Variants in PRKDC observed in about 807,000 individuals in gnomAD.
The protein encoded by PRKDC is protein kinase, DNA-activated, catalytic subunit, also known as DNA-dependent protein kinase catalytic subunit.
PRKDC carries 82 observed loss-of-function variants against 486.9 expected under a neutral mutation model. The observed-to-expected ratio is 0.17, with a 90% confidence interval of 0.14 to 0.20. The LOEUF (loss-of-function observed/expected upper bound fraction) is 0.20, where lower values mean the gene tolerates loss of function less well. PRKDC is among the 10% of genes least tolerant of loss of function. The pLI is 1.00. For missense variants in PRKDC, 4,504 were observed against 5,038.2 expected, an observed-to-expected ratio of 0.89 and a Z score of 3.21; for synonymous variants, 1,895 against 1,837.0, an observed-to-expected ratio of 1.03 and a Z score of -0.81.
At position 47,773,937 on chromosome 8, in the gene PRKDC, A is replaced by C; in HGVS notation, c.*236T>G. 2.3e-6 allele frequency: 1 copy of C among 436,794 alleles called. No homozygotes were observed. 27.1% of individuals were successfully genotyped at this position (436,794 alleles called of 1,614,324 possible). A position where few individuals can be genotyped will look rare whatever the true frequency, so the allele number is the denominator to read the frequency against. ...ACTTAATACTTTGGTAAGCCTGGAT[A>C]TCTATCTTTCTATAAACCTCACCTA... On this transcript the variant is annotated 3_prime_UTR_variant, in exon 86 of 86. Coordinates refer to ENST00000314191, the MANE Select transcript of PRKDC (RefSeq NM_006904.7).
intron 18 of PRKDC, among the ~76,000 whole-genome samples, 152 bp from the exon 19 acceptor site, chr8:47,929,330 T>G (rs937410268): frequency 3.3e-5 from 5 of 152,168 alleles, no homozygotes; most frequent in Non-Finnish European, 7.3e-5. Flanking sequence ...TCTGCAGACA[T>G]TTCAAGGCAC....
rs1444639545 is a variant in PRKDC at position 47,939,597 on chromosome 8, T to C, written c.1067A>G (p.Asn356Ser). The stretch of plus-strand genomic sequence containing the variant: ...ACGGATAGCAATAGATAACTCCTTG[T>C]TGTTCGAATCCACATTTCTGATGAT... ...YGIIRNVDSNNKELSIAIRGY... is the reference protein window; with the variant it reads ...YGIIRNVDSNSKELSIAIRGY... The change falls in exon 11 of 86, where the codon AAC (asparagine) becomes AGC (serine). Residue 356 changes from asparagine to serine, a missense_variant. By Grantham distance (46) the Asn-to-Ser change is conservative. Transcript: ENST00000314191. 1.2e-6 allele frequency: 2 copies of C among 1,613,790 alleles called. No individual in the cohort carries two copies. Among genetic ancestry groups the C allele is most frequent in the African/African-American group, 1.3e-5 (1 of 75,064 alleles).
In PRKDC at chr8:47,893,291, G is replaced by A. The variant is rs1447784596; in HGVS notation, c.3695C>T (p.Pro1232Leu). 3 of 1,610,330 alleles carry A rather than the reference G, an allele frequency of 1.9e-6. No homozygotes were observed. Among genetic ancestry groups the A allele is most frequent in the East Asian group, 4.5e-5 (2 of 44,802 alleles). Residue 1232 changes from proline to leucine, a missense_variant, in exon 31 of 86, where the codon CCC becomes CTC. By Grantham distance (98) the Pro-to-Leu change is moderately conservative. Coordinates refer to ENST00000314191, the MANE Select transcript of PRKDC (RefSeq NM_006904.7). ...GGTGGGCTGGGCCAGGATGCCCGAG[G>A]GCTGGCCACAGCCACCCCCCTCAAA... ...NTFEGGGCGQ[P>L]SGILAQPTLL...
intron 68 of PRKDC, among the ~76,000 whole-genome samples, chr8:47,813,866 G>A (rs1010343669): frequency 4.6e-5 from 7 of 152,118 alleles, no homozygotes; most frequent in Admixed American, 1.3e-4. Flanking sequence ...AAGCCACCAC[G>A]CCTGGCCATA....
chr8:47,807,353 C>A, intron 68 of PRKDC, 27 bp from the exon 69 acceptor site: 2 of 1,501,312 alleles, frequency 1.3e-6, no homozygotes, highest in Non-Finnish European at 1.8e-6. Flanking sequence ...GAGACAATGT[C>A]ACAGACTCAG....
intron 14 of PRKDC, among the ~76,000 whole-genome samples, chr8:47,934,745 TAG>T (rs1355102185): frequency 6.6e-6 from 1 of 152,176 alleles, no homozygotes; most frequent in African/African-American, 2.4e-5. Flanking sequence ...CAATTTGTCC[TAG>T]AGTTTCAAGA....
rs8178040 is a variant in PRKDC at position 47,929,865 on chromosome 8, T to C, written c.2040A>G (p.Ile680Met). The C allele has an allele frequency of 1.8e-3, 2,938 of 1,598,176 alleles. 60 individuals carry two copies. The African/African-American group carries it at 0.036, about 20-fold the overall frequency. Residue 680 changes from isoleucine to methionine, a missense_variant, in exon 18 of 86, where the codon ATA (isoleucine) becomes ATG (methionine). Physicochemically the swap from Ile to Met is conservative, Grantham distance 10. Coordinates refer to ENST00000314191, the MANE Select transcript of PRKDC (RefSeq NM_006904.7). The part of the protein sequence containing the change: ...LSITVRNAKK[I>M]KYFEGVSPKS... ...AAGAAAGACTCACCTCGAAATATTT[T>C]ATTTTCTTGGCATTTCTTACTGTAA...
intron 74 of PRKDC, among the ~76,000 whole-genome samples, chr8:47,790,271 T>A (rs1318186213): frequency 6.6e-6 from 1 of 152,040 alleles, no homozygotes; most frequent in East Asian, 1.9e-4. Flanking sequence ...CAGTGAACAA[T>A]CTGAAACAGA....
At chr8:47,836,259 G>T in intron 58 of PRKDC, 79 bp downstream of exon 58, 1 of 1,318,026 alleles carries the variant, frequency 7.6e-7, no homozygotes, top group Non-Finnish European at 9.9e-7. Context: ...TCTCACAAAA[G>T]CCCAACACTG....
intron 67 of PRKDC, among the ~76,000 whole-genome samples, chr8:47,818,516 T>C (rs2087503631): frequency 6.8e-6 from 1 of 146,892 alleles, no homozygotes; most frequent in Admixed American, 6.9e-5. Context: ...GAGGCAGAGC[T>C]TGCAGTGAGC....
chr8:47,863,888 A>G (rs1164642511), intron 41 of PRKDC, among the ~76,000 whole-genome samples: 1 of 152,202 alleles, frequency 6.6e-6, no homozygotes, highest in Non-Finnish European at 1.5e-5. Flanking sequence ...ATTCTCAGCT[A>G]TTTTGAAGTC....
In PRKDC at chr8:47,881,422, A is replaced by C. The variant is rs1189981425; in HGVS notation, c.5061T>G (p.His1687Gln). Reference sequence around the variant, plus strand: ...TAAATATTTCACTGTTTACCTTTAAATGTAGATCCAGCTTTGTGTCAGCAA... The same window carrying C: ...TAAATATTTCACTGTTTACCTTTAACTGTAGATCCAGCTTTGTGTCAGCAA... The part of the protein sequence containing the change: ...SLLADTKLDL[H>Q]LKGQAVTLLP... Residue 1687 changes from histidine to glutamine, a missense_variant, in exon 38 of 86, where the codon CAT (histidine) becomes CAG (glutamine). Coordinates refer to ENST00000314191, the MANE Select transcript of PRKDC (RefSeq NM_006904.7). 1.3e-6 allele frequency: 2 copies of C among 1,513,014 alleles called. No homozygotes were observed. The highest frequency in any genetic ancestry group is 2.8e-5 in the African/African-American group (2 of 72,668). 93.7% of individuals were successfully genotyped at this position (1,513,014 alleles called of 1,614,324 possible). A position where few individuals can be genotyped will look rare whatever the true frequency, so the allele number is the denominator to read the frequency against.
intron 11 of PRKDC, among the ~76,000 whole-genome samples, chr8:47,937,091 T>C (rs1456776815): frequency 1.4e-5 from 2 of 143,252 alleles, no homozygotes; most frequent in East Asian, 4.1e-4. Flanking sequence ...CCGTCTCTAC[T>C]TAAAAAAAAA....
At chr8:47,913,727 C>T (rs182623091) in intron 24 of PRKDC, among the ~76,000 whole-genome samples, 174 bp downstream of exon 24, 1 of 152,292 alleles carries the variant, frequency 6.6e-6, no homozygotes, top group Non-Finnish European at 1.5e-5. Context: ...ACTTAACTTA[C>T]ATTTATCAAT....
chr8:47,886,107 A>G lies in PRKDC; in HGVS notation c.4613T>C (p.Leu1538Pro). ...TGAGCTGCCCAAGGACGCCGTGGACAGCACCGCTGGGTTCAGGAGAAGACT... is the reference window on the plus strand; with the variant it reads ...TGAGCTGCCCAAGGACGCCGTGGACGGCACCGCTGGGTTCAGGAGAAGACT... ...LVSLLLNPAVLSTASLGSSQG... is the reference protein window; with the variant it reads ...LVSLLLNPAVPSTASLGSSQG... The change falls in exon 36 of 86, where the codon CTG (leucine) becomes CCG (proline). Residue 1538 changes from leucine (L) to proline (P), a missense_variant. Physicochemically the swap from Leu to Pro is moderately conservative, Grantham distance 98 (BLOSUM62 -3). Around this residue, in one of 6 missense-constraint regions of PRKDC, gnomAD observed 1,969 missense variants for 2,068.9 expected, o/e 0.95. Coordinates refer to ENST00000314191, the MANE Select transcript of PRKDC (RefSeq NM_006904.7). 6.2e-7 allele frequency: 1 copy of G among 1,613,278 alleles called. No individual in the cohort carries two copies. The highest frequency in any genetic ancestry group is 8.5e-7 in the Non-Finnish European group (1 of 1,179,776).
intron 66 of PRKDC, 137 bp from the exon 67 acceptor site, chr8:47,819,647 TAATA>T: frequency 2.3e-6 from 1 of 442,820 alleles, no homozygotes; most frequent in South Asian, 7.5e-5. Flanking sequence ...TCAGAATGGT[TAATA>T]ATTAGATCAC....
chr8:47,910,490 C>T (rs1416160957), intron 25 of PRKDC, among the ~76,000 whole-genome samples: 4 of 152,176 alleles, frequency 2.6e-5, no homozygotes, highest in Non-Finnish European at 5.9e-5. Flanking sequence ...GGGGCCATTT[C>T]CCAGCACCTA....
intron 73 of PRKDC, among the ~76,000 whole-genome samples, chr8:47,796,748 C>T (rs1452942620): frequency 1.3e-5 from 2 of 150,978 alleles, no homozygotes; most frequent in Non-Finnish European, 2.9e-5. Flanking sequence ...TACAGGTGCT[C>T]GCCACCACGC....
At chr8:47,837,627 TA>T (rs2088056821) in intron 56 of PRKDC, among the ~76,000 whole-genome samples, 1 of 152,122 alleles carries the variant, frequency 6.6e-6, no homozygotes, top group Non-Finnish European at 1.5e-5. Context: ...AAATGTAGCA[TA>T]TTTTTTATGC....
Sources: gnomAD v4.1 joint callset for allele counts (sites outside exome capture counted in the v4.1 genomes callset) on GRCh38, gnomAD v4.1.1 for gene constraint, gnomAD v4.1.1 regional missense constraint, MANE v1.5 for transcripts, NCBI Gene and HGNC (gene_info 2026-07-23, HGNC 2026-07-21) for gene names.